SV2B: variants seen among roughly 807,000 people sequenced by gnomAD.
The protein encoded by SV2B is synaptic vesicle glycoprotein 2B.
Under a neutral mutation model 73.9 loss-of-function variants are expected in SV2B, and 41 were observed. That is an observed-to-expected ratio of 0.56 (90% CI 0.43 to 0.72). SV2B has a LOEUF of 0.72. Ranked by LOEUF, SV2B falls within the 30% of genes least tolerant of loss-of-function variation. SV2B has a pLI of 0.00. For synonymous variants in SV2B, 314 were observed against 314.2 expected (o/e 1.00, Z 0.01); for missense variants, 764 against 857.8 (o/e 0.89, Z 1.37).
chr15:91,266,747 C>T, intron 7 of SV2B, 55 bp downstream of exon 7: 6 of 1,399,386 alleles, frequency 4.3e-6, no homozygotes, highest in South Asian at 2.5e-5. Context: ...AGTCTCTTAC[C>T]TTAGTGGATG....
At position 91,110,996 on chromosome 15, in the gene SV2B, C is replaced by CG. The variant is rs1567259591; in HGVS notation, c.-392+10635dup. ...AGATGAGAAAGGGTATATGAAAACACGGTGGGGTGCTGAGCCAGCTTCTCC... is the reference window on the plus strand; with the variant it reads ...AGATGAGAAAGGGTATATGAAAACACGGGTGGGGTGCTGAGCCAGCTTCTCC... On this transcript the variant is annotated intron_variant, in intron 1 of 12. Coordinates refer to ENST00000394232, the MANE Select transcript of SV2B (RefSeq NM_001323032.3). This position sits in a 1 kb window ranked among gnomAD's most constrained non-coding sequence, Gnocchi z 5.4. Among the ~76,000 whole-genome samples, 1 of 152,108 alleles carries CG rather than the reference C, an allele frequency of 6.6e-6. No individual in the cohort carries two copies.
Position 91,220,194 on chromosome 15 carries a change from T to G in SV2B, c.-391-5679T>G, listed in dbSNP as rs2046168000. Among the ~76,000 whole-genome samples, 1 of 152,228 alleles carries G rather than the reference T, an allele frequency of 6.6e-6. No homozygotes were observed. Among genetic ancestry groups the G allele is most frequent in the South Asian group, 2.1e-4 (1 of 4,824 alleles). On this transcript the variant is annotated intron_variant, in intron 1 of 12. Transcript: ENST00000394232. The surrounding 1 kb of genome is among the most constrained non-coding windows in gnomAD (Gnocchi z 4.1). ...CATTTTAAGAAACTGACGAACTAGC[T>G]TCCAAAGGCTATTTTACATGCCCAC...
intron 9 of SV2B, among the ~76,000 whole-genome samples, chr15:91,278,269 C>A (rs1047586321): frequency 1.3e-5 from 2 of 152,026 alleles, no homozygotes; most frequent in South Asian, 2.1e-4. Context: ...TTTTTAAATG[C>A]GGGCTTCGAG....
chr15:91,236,184 G>T lies in SV2B; in HGVS notation c.451+9470G>T, dbSNP rs2046773418. Among the ~76,000 whole-genome samples the T allele has an allele frequency of 6.6e-6, 1 of 152,152 alleles. No homozygotes were observed. The highest frequency in any genetic ancestry group is 1.5e-5 in the Non-Finnish European group (1 of 68,044). On this transcript the variant is annotated intron_variant, in intron 2 of 12. Coordinates refer to ENST00000394232, the MANE Select transcript of SV2B (RefSeq NM_001323032.3). The surrounding 1 kb of genome is among the most constrained non-coding windows in gnomAD (Gnocchi z 4.1). The stretch of plus-strand genomic sequence containing the variant: ...CTCCCTTGGCAATGTCACCTTCAAA[G>T]ACTTTAATGAGTTGTTTTTCCTCCA...
chr15:91,252,004 G>A lies in SV2B; in HGVS notation c.632+5G>A, dbSNP rs1432300943. 1.9e-6 allele frequency: 3 copies of A among 1,613,806 alleles called. No individual in the cohort carries two copies. The highest frequency in any genetic ancestry group is 3.3e-5 in the Admixed American group (2 of 60,002). ...CCGACTCATCTCAGGCATCGGGTAT[G>A]TTCTTAGGGAGGTGGAGCTGGACCA... On this transcript the variant is annotated splice_donor_5th_base_variant and intron_variant, in intron 3 of 12. Transcript: ENST00000394232. This position sits in a 1 kb window ranked among gnomAD's most constrained non-coding sequence, Gnocchi z 4.6.
At chr15:91,161,261 CA>C (rs1365147410) in intron 1 of SV2B, among the ~76,000 whole-genome samples, 2 of 144,134 alleles carry the variant, frequency 1.4e-5, no homozygotes, top group African/African-American at 5.2e-5. Flanking sequence ...TGAAATGTAT[CA>C]AACCATAAAA....
intron 1 of SV2B, among the ~76,000 whole-genome samples, chr15:91,161,482 A>G (rs997787580): frequency 6.6e-6 from 1 of 152,246 alleles, no homozygotes; most frequent in African/African-American, 2.4e-5. Context: ...TTAAAATGTA[A>G]CAATGCAAGT....
rs1398512488 is a variant in SV2B at position 91,140,943 on chromosome 15, A to G, written c.-392+40580A>G. ...AGAGAAACCACACAGCCTCAGATGA[A>G]CATATGTTAACACTAAGATTCTCCA... is the stretch of plus-strand genomic sequence containing the variant. On this transcript the variant is annotated intron_variant, in intron 1 of 12. Transcript: ENST00000394232. This position sits in a 1 kb window ranked among gnomAD's most constrained non-coding sequence, Gnocchi z 4.4. Among the ~76,000 whole-genome samples the G allele has an allele frequency of 6.6e-6, 1 of 152,084 alleles. No homozygotes were observed. Among genetic ancestry groups the G allele is most frequent in the Non-Finnish European group, 1.5e-5 (1 of 68,014 alleles).
rs977649315 is a variant in SV2B, at chr15:91,252,002, A to G, written c.632+3A>G. 3.7e-6 allele frequency: 6 copies of G among 1,613,882 alleles called. No homozygotes were observed. The highest frequency in any genetic ancestry group is 2.2e-5 in the East Asian group (1 of 44,876). On this transcript the variant is annotated splice_donor_region_variant and intron_variant, in intron 3 of 12. Transcript: ENST00000394232. The surrounding 1 kb of genome is among the most constrained non-coding windows in gnomAD (Gnocchi z 4.6). The stretch of plus-strand genomic sequence containing the variant: ...TGCCGACTCATCTCAGGCATCGGGT[A>G]TGTTCTTAGGGAGGTGGAGCTGGAC...
rs1445711945 is a variant in SV2B at position 91,265,599 on chromosome 15, G to C, written c.1009-983G>C. 1.3e-5 allele frequency among the ~76,000 whole-genome samples: 2 copies of C among 152,172 alleles called. No individual in the cohort carries two copies. Among genetic ancestry groups the C allele is most frequent in the African/African-American group, 2.4e-5 (1 of 41,452 alleles). ...TGTAGCCTCCTTTATCTGTAGCTGG[G>C]GGTCATAACATCCATGAAGGTACTG... On this transcript the variant is annotated intron_variant, in intron 6 of 12. Transcript: ENST00000394232. This position sits in a 1 kb window ranked among gnomAD's most constrained non-coding sequence, Gnocchi z 4.2.
At chr15:91,169,724 G>A (rs1020225956) in intron 1 of SV2B, among the ~76,000 whole-genome samples, 4 of 152,172 alleles carry the variant, frequency 2.6e-5, no homozygotes, top group Admixed American at 1.3e-4. Flanking sequence ...TAAGTGACAC[G>A]GAGAAATGAA....
chr15:91,163,052 T>C (rs886768119), intron 1 of SV2B, among the ~76,000 whole-genome samples: 3 of 152,200 alleles, frequency 2.0e-5, no homozygotes, highest in Admixed American at 2.0e-4. Flanking sequence ...CTCAGAATGA[T>C]GGTTTCCAGC....
In SV2B at chr15:91,136,229, A is replaced by G. The variant is rs1039351108; in HGVS notation, c.-392+35866A>G. 6.6e-6 allele frequency among the ~76,000 whole-genome samples: 1 copy of G among 152,214 alleles called. No individual in the cohort carries two copies. Among genetic ancestry groups the G allele is most frequent in the African/African-American group, 2.4e-5 (1 of 41,468 alleles). On this transcript the variant is annotated intron_variant, in intron 1 of 12. Coordinates refer to ENST00000394232, the MANE Select transcript of SV2B (RefSeq NM_001323032.3). The surrounding 1 kb of genome is among the most constrained non-coding windows in gnomAD (Gnocchi z 5.6). ...GCTGGAGAGAACTTAGCAGGATGCC[A>G]TTCAGGTGGGCATACTCAGATGCAG... is the stretch of plus-strand genomic sequence containing the variant.
At chr15:91,192,985 A>G (rs1395446563) in intron 1 of SV2B, among the ~76,000 whole-genome samples, 4 of 152,152 alleles carry the variant, frequency 2.6e-5, no homozygotes, top group African/African-American at 4.8e-5. Context: ...TATTTTTCCA[A>G]TGTTTCCTCT....
rs140416940 is a variant in SV2B at position 91,204,713 on chromosome 15, A to G, written c.-391-21160A>G. ...GCTGAGACTACAGACATGAGTCACC[A>G]TGCCCGGCTAATTTTTAAATTTTTT... is the stretch of plus-strand genomic sequence containing the variant. On this transcript the variant is annotated intron_variant, in intron 1 of 12. Transcript: ENST00000394232. 6.0e-3 allele frequency among the ~76,000 whole-genome samples: 916 copies of G among 152,070 alleles called. 4 individuals are homozygous for G. The highest frequency in any genetic ancestry group is 0.023 in the South Asian group (109 of 4,812).
chr15:91,111,137 G>A (rs765501454), intron 1 of SV2B, among the ~76,000 whole-genome samples: 9 of 152,252 alleles, frequency 5.9e-5, no homozygotes, highest in East Asian at 5.8e-4. Flanking sequence ...CTGCTTCTTC[G>A]GTGGCTCAGC....
chr15:91,171,473 C>G (rs981690287), intron 1 of SV2B, among the ~76,000 whole-genome samples: 1 of 152,160 alleles, frequency 6.6e-6, no homozygotes, highest in Admixed American at 6.5e-5. Context: ...TGCGGTGGCT[C>G]TGGTGACAGC....
chr15:91,300,112 T>C lies in SV2B; in HGVS notation c.*7560T>C, dbSNP rs2049393687. ...TTCAGGTTACATAAGGGATAAAATA[T>C]AGAAAGACATTTTAAAGTTTGAAAT... On this transcript the variant is annotated 3_prime_UTR_variant, in exon 13 of 13. Transcript: ENST00000394232. The C allele has an allele frequency of 6.6e-6, 1 of 152,242 alleles. No individual in the cohort carries two copies. The highest frequency in any genetic ancestry group is 2.4e-5 in the African/African-American group (1 of 41,464). 9.4% of individuals were successfully genotyped at this position (152,242 alleles called of 1,614,324 possible).
chr15:91,201,583 A>G (rs977439749), intron 1 of SV2B, among the ~76,000 whole-genome samples: 3 of 152,000 alleles, frequency 2.0e-5, no homozygotes, highest in Admixed American at 6.6e-5. Flanking sequence ...ATGACTCCCT[A>G]TCTCCTGATC....
Sources: gnomAD v4.1 joint callset for allele counts (sites outside exome capture counted in the v4.1 genomes callset) on GRCh38, gnomAD v4.1.1 for gene constraint, Gnocchi (gnomAD v3.1) non-coding constraint, MANE v1.5 for transcripts, NCBI Gene and HGNC (gene_info 2026-07-23, HGNC 2026-07-21) for gene names.